Variants in PDE4D observed in about 807,000 individuals in gnomAD.
The protein encoded by PDE4D is 3',5'-cyclic-AMP phosphodiesterase 4D.
PDE4D carries 24 observed loss-of-function variants against 87.4 expected under a neutral mutation model. The ratio of observed to expected loss-of-function variants is 0.27; its 90% CI spans 0.20 to 0.39. PDE4D has a LOEUF of 0.39. Among genes scored for constraint, PDE4D ranks in the 10% least tolerant of loss-of-function variants. The pLI, the probability that PDE4D is intolerant of heterozygous loss-of-function variation, is 1.00. For missense variants in PDE4D, 714 were observed against 1,041.0 expected (o/e 0.69, Z 4.32); for synonymous variants, 384 against 383.2 (o/e 1.00, Z -0.02).
At chr5:60,269,207 C>T (rs1218725484) in intron 1 of PDE4D, among the ~76,000 whole-genome samples, 2 of 151,982 alleles carry the variant, frequency 1.3e-5, no homozygotes, top group Non-Finnish European at 2.9e-5. Flanking sequence ...CTCGGGAGGC[C>T]GAGGTAGGAG....
chr5:59,771,518 G>GAAAGAAAGAAAGAAAA (rs1763552368), intron 1 of PDE4D, among the ~76,000 whole-genome samples: 1 of 143,702 alleles, frequency 7.0e-6, no homozygotes, highest in East Asian at 2.0e-4. Context: ...AAGAAAGAAA[G>GAAAGAAAGAAAGAAAA]AAAGAAAGAA....
chr5:60,432,640 G>T (rs1041504781), intron 1 of PDE4D, among the ~76,000 whole-genome samples: 3 of 152,094 alleles, frequency 2.0e-5, no homozygotes, highest in African/African-American at 7.2e-5. Context: ...AAGCAAAAAA[G>T]AATAAAGCTG....
intron 1 of PDE4D, among the ~76,000 whole-genome samples, chr5:60,289,040 C>G (rs1752660460): frequency 6.6e-6 from 1 of 152,074 alleles, no homozygotes; most frequent in Admixed American, 6.6e-5. Context: ...GCTGCTGTGC[C>G]CACTAAAATC....
chr5:59,567,257 G>A (rs765938371), intron 1 of PDE4D, among the ~76,000 whole-genome samples: 1 of 152,044 alleles, frequency 6.6e-6, no homozygotes, highest in Non-Finnish European at 1.5e-5. Flanking sequence ...GGACTCTCTT[G>A]GTAAATCAGA....
intron 2 of PDE4D, among the ~76,000 whole-genome samples, chr5:60,065,490 G>A (rs1771950022): frequency 6.6e-6 from 1 of 151,828 alleles, no homozygotes; most frequent in East Asian, 1.9e-4. Flanking sequence ...ACAATGTGCA[G>A]GTTAGTTACA....
chr5:59,127,414 CTTCT>C (rs914670566), intron 5 of PDE4D, among the ~76,000 whole-genome samples: 1 of 152,014 alleles, frequency 6.6e-6, no homozygotes, highest in African/African-American at 2.4e-5. Flanking sequence ...AATTTTTTTC[CTTCT>C]TTCTCTCTTT....
At chr5:59,069,276 T>TCATTAAGATTAG (rs1006708786) in intron 5 of PDE4D, among the ~76,000 whole-genome samples, 1 of 152,170 alleles carries the variant, frequency 6.6e-6, no homozygotes, top group African/African-American at 2.4e-5. Flanking sequence ...GAGACTTGGT[T>TCATTAAGATTAG]CATTAAGATT....
At chr5:59,440,257 T>C (rs1393483343) in intron 1 of PDE4D, among the ~76,000 whole-genome samples, 1 of 152,182 alleles carries the variant, frequency 6.6e-6, no homozygotes, top group African/African-American at 2.4e-5. Context: ...ATGGAAAACA[T>C]AAAGTGGTGA....
At chr5:60,516,670 CAAT>C (rs750347878) in intron 1 of PDE4D, among the ~76,000 whole-genome samples, 3 of 152,204 alleles carry the variant, frequency 2.0e-5, no homozygotes, top group Non-Finnish European at 4.4e-5. Flanking sequence ...ATGATACCAA[CAAT>C]AATGAGAATT....
intron 2 of PDE4D, chr5:60,160,619 C>G: frequency 5.0e-6 from 1 of 199,216 alleles, no homozygotes; most frequent in South Asian, 7.4e-5. Context: ...TCTATCAAAT[C>G]TCATTGGTTT....
intron 1 of PDE4D, among the ~76,000 whole-genome samples, chr5:60,198,690 C>A (rs956405937): frequency 3.3e-5 from 5 of 151,506 alleles, no homozygotes; most frequent in African/African-American, 1.2e-4. Context: ...AGAGCCTCAG[C>A]GAGCTCTAAG....
At chr5:60,215,588 T>C (rs1269611693) in intron 1 of PDE4D, among the ~76,000 whole-genome samples, 1 of 152,134 alleles carries the variant, frequency 6.6e-6, no homozygotes, top group Non-Finnish European at 1.5e-5. Context: ...TGAGACAAAA[T>C]ATGATGTATA....
chr5:60,278,304 T>C (rs1397202277), intron 1 of PDE4D, among the ~76,000 whole-genome samples: 1 of 152,166 alleles, frequency 6.6e-6, no homozygotes, highest in Non-Finnish European at 1.5e-5. Context: ...CTTATATAAG[T>C]AAGGAATAAT....
intron 1 of PDE4D, among the ~76,000 whole-genome samples, chr5:59,859,625 C>T (rs1043605082): frequency 3.9e-5 from 6 of 152,136 alleles, no homozygotes; most frequent in Admixed American, 2.0e-4. Context: ...AAATTTTCAC[C>T]AAATTTCCTA....
chr5:59,593,853 T>TATTTA (rs1561285020), intron 1 of PDE4D, among the ~76,000 whole-genome samples: 1 of 152,072 alleles, frequency 6.6e-6, no homozygotes, highest in Non-Finnish European at 1.5e-5. Flanking sequence ...CCTCCAGGAG[T>TATTTA]GCTACCAAGT....
intron 1 of PDE4D, among the ~76,000 whole-genome samples, chr5:59,609,167 T>C (rs928965766): frequency 6.6e-6 from 1 of 152,030 alleles, no homozygotes. Flanking sequence ...CAGGATTGGA[T>C]GGGAAGTAGA....
chr5:58,991,046 T>C lies in PDE4D; in HGVS notation c.1189-144A>G, dbSNP rs539965775. ...CTGTAATCCCAGAACTTTGGGAGGC[T>C]GAGGCGGGCAGATCACTTGAGGTCA... On this transcript the variant is annotated intron_variant, in intron 8 of 14. Coordinates refer to ENST00000340635, the MANE Select transcript of PDE4D (RefSeq NM_001104631.2). 4.4e-5 allele frequency: 25 copies of C among 573,154 alleles called. No individual in the cohort carries two copies. The Admixed American group carries it at 4.6e-4, about 11-fold the overall frequency. The allele number at this position is 573,154 out of a possible 1,614,324, so 35.5% of individuals were successfully genotyped here. A position where few individuals can be genotyped will look rare whatever the true frequency, so the allele number is the denominator to read the frequency against.
chr5:59,562,965 T>C (rs1214723222), intron 1 of PDE4D, among the ~76,000 whole-genome samples: 1 of 152,236 alleles, frequency 6.6e-6, no homozygotes, highest in African/African-American at 2.4e-5. Context: ...CCAGAGGCTC[T>C]GTCTCACTTC....
chr5:60,417,720 A>G (rs1742731742), intron 1 of PDE4D, among the ~76,000 whole-genome samples: 2 of 151,964 alleles, frequency 1.3e-5, no homozygotes, highest in African/African-American at 2.4e-5. Context: ...CAAGAAGAAG[A>G]AAAAAAACTC....
Sources: allele counts gnomAD v4.1 joint callset (sites outside exome capture counted in the v4.1 genomes callset), GRCh38; gene constraint gnomAD v4.1.1; transcripts MANE v1.5; gene names NCBI Gene and HGNC (gene_info 2026-07-23, HGNC 2026-07-21).